The following CEP70 variants were observed in gnomAD, a reference collection of about 807,000 sequenced individuals.
The protein encoded by CEP70 is centrosomal protein of 70 kDa.
In CEP70, 70 loss-of-function variants were observed where a neutral mutation model predicts 90.9. The observed-to-expected ratio is 0.77, with a 90% CI of 0.64 to 0.94. CEP70 has a LOEUF of 0.94. Ranked by LOEUF, CEP70 falls within the 40% of genes least tolerant of loss-of-function variation. CEP70 has a pLI of 0.00. For missense variants in CEP70, 648 were observed against 669.0 expected (o/e 0.97, Z 0.35); for synonymous variants, 220 against 228.3 (o/e 0.96, Z 0.33).
Position 138,566,818 on chromosome 3 carries a change from T to TA in CEP70, c.465+3499dup, listed in dbSNP as rs1553862504. Among the ~76,000 whole-genome samples, 321 of 146,500 alleles carry TA rather than the reference T, an allele frequency of 2.2e-3. 3 individuals carry two copies. The highest frequency in any genetic ancestry group is 7.2e-3 in the African/African-American group (287 of 39,932). On this transcript the variant is annotated intron_variant, in intron 6 of 17. Transcript: ENST00000264982. Reference sequence around the variant, plus strand: ...AGAACTTAAAGTATATATATATATATAAAAAAAAAACTTAAATGTATACTT... The same window carrying TA: ...AGAACTTAAAGTATATATATATATATAAAAAAAAAAACTTAAATGTATACTT...
At chr3:138,505,736 G>A (rs1020980382) in intron 12 of CEP70, among the ~76,000 whole-genome samples, 11 of 152,256 alleles carry the variant, frequency 7.2e-5, no homozygotes, top group East Asian at 1.9e-4. Context: ...TAATGTTTCA[G>A]TTTGAGTCTG....
chr3:138,505,389 A>C lies in CEP70; in HGVS notation c.1127T>G (p.Val376Gly), dbSNP rs2034892758. ...AACAAGATCTTTATTAAAATTTTGGACTCCCCCTTTGGTCTGTTTATAAAT... is the reference window on the plus strand; with the variant it reads ...AACAAGATCTTTATTAAAATTTTGGCCTCCCCCTTTGGTCTGTTTATAAAT... ...VIIYKQTKGG[V>G]QNFNKDLVQD... Residue 376 changes from valine (V) to glycine (G), a missense_variant, in exon 13 of 18, where the codon GTC becomes GGC. Physicochemically the swap from Val to Gly is moderately radical, Grantham distance 109 (BLOSUM62 -3). Coordinates refer to ENST00000264982, the MANE Select transcript of CEP70 (RefSeq NM_024491.4). 2.5e-6 allele frequency: 4 copies of C among 1,610,874 alleles called. No individual in the cohort carries two copies. Among genetic ancestry groups the C allele is most frequent in the Non-Finnish European group, 3.4e-6 (4 of 1,178,918 alleles).
chr3:138,523,066 C>G (rs1260333766), intron 11 of CEP70, among the ~76,000 whole-genome samples: 1 of 152,132 alleles, frequency 6.6e-6, no homozygotes, highest in African/African-American at 2.4e-5. Context: ...AAGGCTGGTT[C>G]AACATACACA....
intron 10 of CEP70, among the ~76,000 whole-genome samples, chr3:138,527,785 C>G (rs1157620883): frequency 6.6e-6 from 1 of 151,758 alleles, no homozygotes; most frequent in African/African-American, 2.4e-5. Flanking sequence ...AACTCCTGGC[C>G]TCAAACAATC....
At chr3:138,509,822 C>T (rs1018855433) in intron 11 of CEP70, among the ~76,000 whole-genome samples, 2 of 152,056 alleles carry the variant, frequency 1.3e-5, no homozygotes, top group Non-Finnish European at 2.9e-5. Flanking sequence ...CATACACTAC[C>T]TACCAGTTAG....
chr3:138,518,171 A>G (rs2036238121), intron 11 of CEP70, among the ~76,000 whole-genome samples: 1 of 152,198 alleles, frequency 6.6e-6, no homozygotes. Context: ...GAGTAGGTAA[A>G]CAAAGCGGCC....
intron 6 of CEP70, among the ~76,000 whole-genome samples, chr3:138,547,887 A>C (rs1441089384): frequency 6.6e-6 from 1 of 152,208 alleles, no homozygotes; most frequent in African/African-American, 2.4e-5. Context: ...TGAACTATTT[A>C]TTTCTGGAAT....
chr3:138,548,789 A>C (rs570915994), intron 6 of CEP70, among the ~76,000 whole-genome samples: 1 of 152,322 alleles, frequency 6.6e-6, no homozygotes, highest in African/African-American at 2.4e-5. Flanking sequence ...CTACTACAGG[A>C]ATACATCAGG....
At chr3:138,522,555 C>G (rs1478379687) in intron 11 of CEP70, among the ~76,000 whole-genome samples, 1 of 152,036 alleles carries the variant, frequency 6.6e-6, no homozygotes, top group Admixed American at 6.5e-5. Context: ...ACCACAGATC[C>G]CACAGAAATA....
At chr3:138,538,003 G>A (rs2038430485) in intron 6 of CEP70, among the ~76,000 whole-genome samples, 1 of 152,190 alleles carries the variant, frequency 6.6e-6, no homozygotes, top group South Asian at 2.1e-4. Flanking sequence ...TTCTGTAACT[G>A]TGATGCCTCT....
chr3:138,514,992 C>G (rs972132824), intron 11 of CEP70, among the ~76,000 whole-genome samples: 7 of 152,174 alleles, frequency 4.6e-5, no homozygotes, highest in Admixed American at 2.6e-4. Flanking sequence ...GGAATTGGGT[C>G]TGAATCATAA....
At chr3:138,516,689 A>G (rs1007740426) in intron 11 of CEP70, among the ~76,000 whole-genome samples, 2 of 152,120 alleles carry the variant, frequency 1.3e-5, no homozygotes, top group South Asian at 2.1e-4. Context: ...CCTGGCCCCT[A>G]TTATTTTAAC....
intron 10 of CEP70, among the ~76,000 whole-genome samples, 166 bp from the exon 11 acceptor site, chr3:138,525,730 TTTC>T (rs1381839863): frequency 2.0e-5 from 3 of 152,244 alleles, no homozygotes; most frequent in Admixed American, 1.3e-4. Context: ...GCCATTTAGA[TTTC>T]TTCTTCTCTG....
chr3:138,497,929 C>T, intron 17 of CEP70, 102 bp downstream of exon 17: 1 of 1,533,258 alleles, frequency 6.5e-7, no homozygotes, highest in Non-Finnish European at 8.7e-7. Context: ...GGTTTCCAAC[C>T]ACTAGGTAAA....
intron 2 of CEP70, among the ~76,000 whole-genome samples, chr3:138,587,112 CTG>C (rs1352704194): frequency 6.6e-6 from 1 of 151,896 alleles, no homozygotes; most frequent in African/African-American, 2.4e-5. Flanking sequence ...ATGTAAAACT[CTG>C]TAAGACATAA....
chr3:138,573,012 A>T, intron 2 of CEP70, 80 bp from the exon 3 acceptor site: 1 of 913,148 alleles, frequency 1.1e-6, no homozygotes, highest in Non-Finnish European at 1.8e-6. Flanking sequence ...AAAAGTGCAA[A>T]AGGAGTTAAA....
intron 11 of CEP70, among the ~76,000 whole-genome samples, chr3:138,524,097 C>T (rs1418707862): frequency 7.1e-6 from 1 of 140,192 alleles, no homozygotes; most frequent in African/African-American, 2.9e-5. Flanking sequence ...TGATCTTTGA[C>T]AAACCTGACA....
chr3:138,505,334 A>G lies in CEP70; in HGVS notation c.1182T>C (p.Pro394=), dbSNP rs768966119. Residue 394 remains proline (P), a synonymous_variant, in exon 13 of 18, where the codon CCT becomes CCC. Coordinates refer to ENST00000264982, the MANE Select transcript of CEP70 (RefSeq NM_024491.4). ...VQDCGFEHLV[P]VIEMWADQLT... ...GTTGATCTGCCCACATTTCTATTAC[A>G]GGAACAAGATGCTCAAATCCACAAT... is the stretch of plus-strand genomic sequence containing the variant. 1.2e-6 allele frequency: 2 copies of G among 1,612,116 alleles called. No homozygotes were observed. The highest frequency in any genetic ancestry group is 1.1e-5 in the South Asian group (1 of 90,758).
chr3:138,519,782 C>A (rs1360433462), intron 11 of CEP70, among the ~76,000 whole-genome samples: 1 of 152,116 alleles, frequency 6.6e-6, no homozygotes, highest in African/African-American at 2.4e-5. Flanking sequence ...AACTAACGAG[C>A]AAAATAACCA....
Sources: gnomAD v4.1 joint callset for allele counts (sites outside exome capture counted in the v4.1 genomes callset) on GRCh38, gnomAD v4.1.1 for gene constraint, MANE v1.5 for transcripts, NCBI Gene and HGNC (gene_info 2026-07-23, HGNC 2026-07-21) for gene names.